Variants in NRXN1 observed in about 807,000 individuals in gnomAD.
The protein encoded by NRXN1 is neurexin-1.
In NRXN1, 39 loss-of-function variants were observed where a neutral mutation model predicts 150.9. That is an observed-to-expected ratio of 0.26 (90% CI 0.20 to 0.34). The LOEUF is 0.34. Ranked by LOEUF, NRXN1 falls within the 10% of genes least tolerant of loss-of-function variation. The pLI is 1.00. For missense variants in NRXN1, 1,815 were observed against 1,949.9 expected (o/e 0.93, Z 1.30); for synonymous variants, 924 against 757.0 (o/e 1.22, Z -3.62).
chr2:50,828,135 G>C (rs963367559), intron 5 of NRXN1, among the ~76,000 whole-genome samples: 1 of 151,868 alleles, frequency 6.6e-6, no homozygotes, highest in Non-Finnish European at 1.5e-5. Flanking sequence ...CCTCCCAGAC[G>C]GGGTGGTGGC....
chr2:50,025,540 G>A (rs919378688), intron 21 of NRXN1, among the ~76,000 whole-genome samples: 3 of 152,204 alleles, frequency 2.0e-5, no homozygotes, highest in Non-Finnish European at 2.9e-5. Flanking sequence ...TAAAGAAATT[G>A]AGGTGGCAGT....
intron 21 of NRXN1, among the ~76,000 whole-genome samples, chr2:50,011,865 T>A (rs1462414321): frequency 6.6e-6 from 1 of 152,110 alleles, no homozygotes; most frequent in African/African-American, 2.4e-5. Context: ...ATTTTCATTT[T>A]ATATACATAA....
At chr2:50,098,849 T>TGG (rs1558874712) in intron 18 of NRXN1, among the ~76,000 whole-genome samples, 9 of 16,802 alleles carry the variant, frequency 5.4e-4, no homozygotes, top group African/African-American at 1.6e-3. Flanking sequence ...TTTTTTTTTT[T>TGG]TTTTTTTTTT....
At chr2:50,826,011 T>C (rs1210485676) in intron 5 of NRXN1, among the ~76,000 whole-genome samples, 3 of 152,236 alleles carry the variant, frequency 2.0e-5, no homozygotes, top group African/African-American at 4.8e-5. Context: ...ATCTTACATC[T>C]GCTCTCATGG....
At chr2:50,211,942 C>T (rs1169341874) in intron 18 of NRXN1, among the ~76,000 whole-genome samples, 1 of 151,534 alleles carries the variant, frequency 6.6e-6, no homozygotes, top group Non-Finnish European at 1.5e-5. Flanking sequence ...CTACACAAAT[C>T]TTGCATTTCC....
intron 5 of NRXN1, among the ~76,000 whole-genome samples, chr2:50,812,725 T>A (rs539383308): frequency 2.4e-4 from 35 of 146,516 alleles, no homozygotes; most frequent in Admixed American, 4.8e-4. Flanking sequence ...ATAATAAGAG[T>A]GTGTGTGTGT....
intron 18 of NRXN1, among the ~76,000 whole-genome samples, chr2:50,229,081 G>A (rs1293838209): frequency 6.6e-6 from 1 of 151,910 alleles, no homozygotes; most frequent in East Asian, 1.9e-4. Context: ...TTTATAATTT[G>A]GATTATTTAT....
intron 17 of NRXN1, among the ~76,000 whole-genome samples, chr2:50,446,541 CCCTT>C (rs2086424798): frequency 1.5e-5 from 2 of 133,372 alleles, no homozygotes; most frequent in Non-Finnish European, 1.6e-5. Context: ...TTCCTTCCCT[CCCTT>C]CCTTCCCTCC....
chr2:50,822,369 C>T (rs1037930072), intron 5 of NRXN1, among the ~76,000 whole-genome samples: 7 of 152,020 alleles, frequency 4.6e-5, no homozygotes, highest in African/African-American at 1.7e-4. Context: ...TCACAAGTAC[C>T]ACTGATTCAC....
intron 9 of NRXN1, among the ~76,000 whole-genome samples, chr2:50,549,980 GAAGA>G (rs1208402149): frequency 6.6e-6 from 1 of 151,962 alleles, no homozygotes; most frequent in African/African-American, 2.4e-5. Context: ...AATTTACATA[GAAGA>G]AAGACTGGAA....
chr2:50,582,112 A>T (rs1015372411), intron 8 of NRXN1, among the ~76,000 whole-genome samples: 15 of 152,178 alleles, frequency 9.9e-5, no homozygotes, highest in Non-Finnish European at 5.9e-5. Context: ...GATTTGGTTG[A>T]TCTTCAGAAA....
intron 8 of NRXN1, among the ~76,000 whole-genome samples, chr2:50,599,157 C>T (rs1386655620): frequency 2.0e-5 from 3 of 152,072 alleles, no homozygotes; most frequent in African/African-American, 4.8e-5. Context: ...TATGTCTCCA[C>T]CTTACAGATG....
chr2:50,635,405 C>T (rs964661858), intron 5 of NRXN1, among the ~76,000 whole-genome samples: 1 of 151,376 alleles, frequency 6.6e-6, no homozygotes, highest in Admixed American at 6.6e-5. Context: ...GAGCTCCCGA[C>T]CTTGTGATCT....
chr2:50,872,839 A>T (rs1310677968), intron 5 of NRXN1, among the ~76,000 whole-genome samples: 1 of 151,728 alleles, frequency 6.6e-6, no homozygotes, highest in Non-Finnish European at 1.5e-5. Flanking sequence ...GTGGTGGTGC[A>T]TTCCTGTAGT....
At chr2:50,566,893 G>A (rs557386984) in intron 8 of NRXN1, among the ~76,000 whole-genome samples, 1 of 152,086 alleles carries the variant, frequency 6.6e-6, no homozygotes, top group Admixed American at 6.5e-5. Context: ...TCATCATCAT[G>A]CCTTTCGTGT....
chr2:50,069,602 T>C (rs17496470), intron 19 of NRXN1, among the ~76,000 whole-genome samples: 11,946 of 152,234 alleles, frequency 0.078, 647 homozygotes, highest in Middle Eastern at 0.15. Context: ...GCCTTGACAA[T>C]TTTATGAAGA....
intron 18 of NRXN1, among the ~76,000 whole-genome samples, chr2:50,223,229 GAGA>G (rs1174238541): frequency 6.6e-6 from 1 of 151,886 alleles, no homozygotes; most frequent in Non-Finnish European, 1.5e-5. Context: ...ACAGTCTACT[GAGA>G]AGGACAAAGT....
At chr2:50,598,678 G>A (rs1489123896) in intron 8 of NRXN1, among the ~76,000 whole-genome samples, 1 of 145,498 alleles carries the variant, frequency 6.9e-6, no homozygotes, top group South Asian at 2.1e-4. Flanking sequence ...ATATATATGT[G>A]TATGTATATA....
intron 5 of NRXN1, among the ~76,000 whole-genome samples, chr2:50,657,593 T>C (rs1000977189): frequency 2.0e-5 from 3 of 151,872 alleles, no homozygotes; most frequent in African/African-American, 7.3e-5. Context: ...ATGTCAGGAG[T>C]GAAGTTGTCA....
Sources: gnomAD v4.1 joint callset for allele counts (sites outside exome capture counted in the v4.1 genomes callset) on GRCh38, gnomAD v4.1.1 for gene constraint, MANE v1.5 for transcripts, NCBI Gene and HGNC (gene_info 2026-07-23, HGNC 2026-07-21) for gene names.